TPR: variants seen among roughly 807,000 people sequenced by gnomAD.
TPR encodes nucleoprotein TPR.
A neutral mutation model predicts 316.1 loss-of-function variants in TPR; 51 were observed. The ratio of observed to expected loss-of-function variants is 0.16; its 90% CI spans 0.13 to 0.20. TPR has a LOEUF of 0.20. Among genes scored for constraint, TPR ranks in the 10% least tolerant of loss-of-function variants. TPR has a pLI of 1.00. For synonymous variants in TPR, 981 were observed against 914.7 expected, an observed-to-expected ratio of 1.07 and a Z score of -1.31; for missense variants, 2,272 against 2,754.8, an observed-to-expected ratio of 0.82 and a Z score of 3.92.
intron 2 of TPR, among the ~76,000 whole-genome samples, chr1:186,372,924 T>C (rs912564007): frequency 1.1e-4 from 16 of 152,216 alleles, no homozygotes; most frequent in Admixed American, 6.5e-4. Flanking sequence ...ATAAATATAA[T>C]GAAATCAATA....
intron 49 of TPR, 30 bp from the exon 50 acceptor site, chr1:186,314,754 CA>C: frequency 2.0e-6 from 3 of 1,490,012 alleles, no homozygotes; most frequent in Non-Finnish European, 2.8e-6. Context: ...AAAAGAAAAG[CA>C]AGTGAAAAAA....
chr1:186,318,114 A>T (rs1338158014), intron 48 of TPR, among the ~76,000 whole-genome samples: 2 of 152,178 alleles, frequency 1.3e-5, no homozygotes, highest in Non-Finnish European at 2.9e-5. Context: ...GAGACAGTAC[A>T]AGAATAACAT....
At chr1:186,372,854 G>A (rs1659576100) in intron 2 of TPR, among the ~76,000 whole-genome samples, 2 of 152,222 alleles carry the variant, frequency 1.3e-5, no homozygotes, top group South Asian at 4.1e-4. Context: ...AGGCCTTAAA[G>A]GGGAAATATC....
intron 15 of TPR, 66 bp downstream of exon 15, chr1:186,356,220 T>C: frequency 2.1e-6 from 3 of 1,410,530 alleles, no homozygotes; most frequent in Middle Eastern, 2.0e-4. Flanking sequence ...ATTGCTTATG[T>C]TGCAAAATTA....
intron 21 of TPR, among the ~76,000 whole-genome samples, chr1:186,348,366 G>A (rs1472717924): frequency 6.6e-6 from 1 of 152,104 alleles, no homozygotes; most frequent in African/African-American, 2.4e-5. Context: ...CTCAGCCCTG[G>A]TAAATTTGTG....
intron 27 of TPR, 59 bp from the exon 28 acceptor site, chr1:186,341,448 T>C: frequency 6.5e-7 from 1 of 1,534,736 alleles, no homozygotes; most frequent in Non-Finnish European, 8.8e-7. Flanking sequence ...AGTCTACCTG[T>C]TCCTATGAGC....
rs1374256972 is a variant in TPR, at chr1:186,344,036, A to C, written c.3472T>G (p.Leu1158Val). The C allele has an allele frequency of 6.2e-7, 1 of 1,613,946 alleles. No homozygotes were observed. Among genetic ancestry groups the C allele is most frequent in the African/African-American group, 1.3e-5 (1 of 74,894 alleles). Residue 1158 changes from leucine (L) to valine (V), a missense_variant, in exon 26 of 51, where the codon TTA becomes GTA. Physicochemically the swap from Leu to Val is conservative, Grantham distance 32. Coordinates refer to ENST00000367478, the MANE Select transcript of TPR (RefSeq NM_003292.3). ...AATTTTTCGATCTGATCATGAAGTA[A>C]TCTGTTTTGTTTCTCCAGATCTTCA... Reference protein sequence around the residue: ...RCEDLEKQNRLLHDQIEKLSD... With the variant: ...RCEDLEKQNRVLHDQIEKLSD...
chr1:186,337,935 C>T (rs937230224), intron 31 of TPR, 98 bp downstream of exon 31: 42 of 952,834 alleles, frequency 4.4e-5, no homozygotes, highest in African/African-American at 2.7e-4. Flanking sequence ...TACACGATTT[C>T]GGTATCTAAA....
At chr1:186,345,497 A>G in intron 24 of TPR, 83 bp downstream of exon 24, 1 of 1,094,628 alleles carries the variant, frequency 9.1e-7, no homozygotes, top group Admixed American at 1.9e-5. Context: ...TGTAAGGTCC[A>G]CCAGTTCTTA....
chr1:186,353,654 A>T, intron 18 of TPR, 34 bp downstream of exon 18: 1 of 1,593,350 alleles, frequency 6.3e-7, no homozygotes, highest in Non-Finnish European at 8.5e-7. Flanking sequence ...AATGCAACTT[A>T]TAATGCAAGT....
At position 186,362,371 on chromosome 1, in the gene TPR, G is replaced by T. The variant is rs1206882306; in HGVS notation, c.706C>A (p.Leu236Met). Residue 236 changes from leucine to methionine, a missense_variant, in exon 7 of 51, where the codon CTG becomes ATG. Leu to Met is a conservative substitution (Grantham distance 15). Coordinates refer to ENST00000367478, the MANE Select transcript of TPR (RefSeq NM_003292.3). ...LENKKEEVSR[L>M]EEQMNGLKTS... ...TTTAAGCCATTCATTTGTTCTTCCAGTCTAGAAACCTAAAAACAAAAAATA... is the reference window on the plus strand; with the variant it reads ...TTTAAGCCATTCATTTGTTCTTCCATTCTAGAAACCTAAAAACAAAAAATA... 1 of 1,611,126 alleles carries T rather than the reference G, an allele frequency of 6.2e-7. No individual in the cohort carries two copies. Among genetic ancestry groups the T allele is most frequent in the African/African-American group, 1.3e-5 (1 of 74,754 alleles).
chr1:186,371,061 T>C lies in TPR; in HGVS notation c.257-18A>G. The stretch of plus-strand genomic sequence containing the variant: ...TTGATTGTCTGGATAAAAGGAATTT[T>C]ATGAATACATACACATTTGCTTAAA... On this transcript the variant is annotated intron_variant, in intron 2 of 50. Transcript: ENST00000367478. 6.3e-7 allele frequency: 1 copy of C among 1,593,696 alleles called. No homozygotes were observed. The highest frequency in any genetic ancestry group is 8.6e-7 in the Non-Finnish European group (1 of 1,162,276).
chr1:186,360,510 AAC>A (rs1436386149), intron 10 of TPR, 146 bp from the exon 11 acceptor site: 3 of 957,824 alleles, frequency 3.1e-6, no homozygotes, highest in Non-Finnish European at 4.6e-6. Context: ...AAAGTCATGT[AAC>A]ACATCTAATT....
rs1416443465 is a variant in TPR, at chr1:186,359,856, A to G, written c.1332T>C (p.Tyr444=). The change falls in exon 12 of 51, where the codon TAT becomes TAC. Residue 444 remains tyrosine (Y), a synonymous_variant. Transcript: ENST00000367478. ...APILKRQREE[Y]ERAQKAVASL... is the part of the protein sequence containing the mutation. ...TTGCTACAGCTTTCTGTGCACGTTC[A>G]TATTCCTCACGCTGGCGTTTCAAAA... 1 of 1,603,414 alleles carries G rather than the reference A, an allele frequency of 6.2e-7. No individual in the cohort carries two copies. Among genetic ancestry groups the G allele is most frequent in the Non-Finnish European group, 8.5e-7 (1 of 1,177,474 alleles).
intron 31 of TPR, 51 bp from the exon 32 acceptor site, chr1:186,337,207 C>A: frequency 1.3e-6 from 2 of 1,535,694 alleles, no homozygotes; most frequent in Admixed American, 1.9e-5. Flanking sequence ...TTCAGTAATT[C>A]CATTTCTGCA....
At chr1:186,368,897 T>C (rs924905150) in intron 3 of TPR, among the ~76,000 whole-genome samples, 1 of 152,188 alleles carries the variant, frequency 6.6e-6, no homozygotes, top group Non-Finnish European at 1.5e-5. Context: ...CATTTAGATC[T>C]TTCATCCATC....
At position 186,350,368 on chromosome 1, in the gene TPR, C is replaced by T; in HGVS notation, c.2631G>A (p.Lys877=). 2 of 1,603,002 alleles carry T rather than the reference C, an allele frequency of 1.2e-6. No individual in the cohort carries two copies. Residue 877 remains lysine, a synonymous_variant, in exon 21 of 51, where the codon AAG becomes AAA. Coordinates refer to ENST00000367478, the MANE Select transcript of TPR (RefSeq NM_003292.3). ...GATTTGTCTCTGTATCCAGTTGTCT[C>T]TTTGTATCTAAAAGTTGAACCTATA... ...RNLDVQLLDT[K]RQLDTETNLH... is the part of the protein sequence containing the mutation.
chr1:186,370,455 G>A (rs1164181045), intron 3 of TPR, among the ~76,000 whole-genome samples: 4 of 151,884 alleles, frequency 2.6e-5, no homozygotes, highest in African/African-American at 7.3e-5. Context: ...GCTTTTTTGC[G>A]CCTATTCAGA....
chr1:186,318,331 A>C (rs1384230585), intron 48 of TPR, 116 bp downstream of exon 48: 2 of 1,391,614 alleles, frequency 1.4e-6, no homozygotes, highest in Non-Finnish European at 1.9e-6. Context: ...CTGTCTCAAA[A>C]AAAAAAACAA....
Sources: gnomAD v4.1 joint callset for allele counts (sites outside exome capture counted in the v4.1 genomes callset) on GRCh38, gnomAD v4.1.1 for gene constraint, MANE v1.5 for transcripts, NCBI Gene and HGNC (gene_info 2026-07-23, HGNC 2026-07-21) for gene names.